Variants in JAKMIP2 observed in about 807,000 individuals in gnomAD.
The protein encoded by JAKMIP2 is janus kinase and microtubule interacting protein 2.
In JAKMIP2, 25 loss-of-function variants were observed where a neutral mutation model predicts 115.0. The observed-to-expected ratio is 0.22, with a 90% CI of 0.16 to 0.30. The LOEUF is 0.30. Among genes scored for constraint, JAKMIP2 ranks in the 10% least tolerant of loss-of-function variants. The pLI is 1.00. For missense variants in JAKMIP2, 642 were observed against 957.6 expected (o/e 0.67, Z 4.35); for synonymous variants, 334 against 343.6 (o/e 0.97, Z 0.31).
At chr5:147,654,782 T>C (rs1215078633) in intron 3 of JAKMIP2, among the ~76,000 whole-genome samples, 2 of 152,160 alleles carry the variant, frequency 1.3e-5, no homozygotes, top group African/African-American at 4.8e-5. Context: ...GGCATCCTTG[T>C]CTTGTGCTGG....
At chr5:147,740,128 G>A (rs1216173824) in intron 1 of JAKMIP2, among the ~76,000 whole-genome samples, 1 of 152,096 alleles carries the variant, frequency 6.6e-6, no homozygotes, top group African/African-American at 2.4e-5. Context: ...CTTTTTTTGA[G>A]TCACACTTCT....
chr5:147,625,574 T>C (rs1261283899), intron 16 of JAKMIP2, among the ~76,000 whole-genome samples: 1 of 152,184 alleles, frequency 6.6e-6, no homozygotes, highest in Admixed American at 6.5e-5. Flanking sequence ...TGCTGTCCAT[T>C]TGTTATCAAG....
At chr5:147,694,599 T>C (rs1213035166) in intron 1 of JAKMIP2, among the ~76,000 whole-genome samples, 2 of 152,216 alleles carry the variant, frequency 1.3e-5, no homozygotes, top group Admixed American at 6.5e-5. Context: ...ACTGGCAATG[T>C]CCATCTGCAG....
chr5:147,637,663 C>A (rs1365577289), intron 10 of JAKMIP2, among the ~76,000 whole-genome samples: 2 of 152,192 alleles, frequency 1.3e-5, no homozygotes, highest in Non-Finnish European at 2.9e-5. Flanking sequence ...TGGTCTCGAA[C>A]TCCTGACCTC....
chr5:147,696,452 T>C (rs1352262421), intron 1 of JAKMIP2, among the ~76,000 whole-genome samples: 3 of 152,222 alleles, frequency 2.0e-5, no homozygotes, highest in South Asian at 2.1e-4. Context: ...CCTTCTGCCA[T>C]AATTTTAAGA....
intron 19 of JAKMIP2, among the ~76,000 whole-genome samples, chr5:147,616,279 G>A (rs1293955490): frequency 6.6e-6 from 1 of 152,084 alleles, no homozygotes; most frequent in Non-Finnish European, 1.5e-5. Context: ...TAATTAAAAG[G>A]GAAGAAGAAG....
intron 1 of JAKMIP2, among the ~76,000 whole-genome samples, chr5:147,700,603 C>T (rs776198245): frequency 2.0e-5 from 3 of 152,136 alleles, no homozygotes; most frequent in Non-Finnish European, 4.4e-5. Context: ...TTAAGTGTCT[C>T]ATGGGAGAAA....
intron 1 of JAKMIP2, among the ~76,000 whole-genome samples, chr5:147,759,674 A>T (rs1290254673): frequency 6.6e-6 from 1 of 152,194 alleles, no homozygotes; most frequent in Non-Finnish European, 1.5e-5. Context: ...TTGAATGACA[A>T]GAAGCAGCTA....
At chr5:147,780,780 G>A (rs1241269469) in intron 1 of JAKMIP2, among the ~76,000 whole-genome samples, 1 of 152,102 alleles carries the variant, frequency 6.6e-6, no homozygotes, top group Non-Finnish European at 1.5e-5. Flanking sequence ...ATAAATGTGG[G>A]GGGTGTATGT....
Position 147,590,818 on chromosome 5 carries a change from C to A in JAKMIP2, c.*889G>T, listed in dbSNP as rs1206307361. ...TCAGGGAGCATGTGATTTACAGTAT[C>A]ATCTTCTTAGTTTTCAATATGAATG... On this transcript the variant is annotated 3_prime_UTR_variant, in exon 22 of 22. Coordinates refer to ENST00000616793, the MANE Select transcript of JAKMIP2 (RefSeq NM_001270941.2). 1 of 152,180 alleles carries A rather than the reference C, an allele frequency of 6.6e-6. No homozygotes were observed. Among genetic ancestry groups the A allele is most frequent in the Non-Finnish European group, 1.5e-5 (1 of 68,034 alleles). The allele number at this position is 152,180 out of a possible 1,614,324, so 9.4% of individuals were successfully genotyped here. A position where few individuals can be genotyped will look rare whatever the true frequency, so the allele number is the denominator to read the frequency against.
intron 1 of JAKMIP2, among the ~76,000 whole-genome samples, chr5:147,696,507 T>C (rs1284936668): frequency 2.6e-5 from 4 of 152,154 alleles, no homozygotes; most frequent in Non-Finnish European, 5.9e-5. Context: ...GTCAATTAAA[T>C]CTCTTTCCTT....
chr5:147,724,788 A>T (rs1014385666), intron 1 of JAKMIP2, among the ~76,000 whole-genome samples: 4 of 152,098 alleles, frequency 2.6e-5, no homozygotes, highest in Non-Finnish European at 5.9e-5. Flanking sequence ...AGATCAGGAG[A>T]TTGATGTTTT....
chr5:147,697,001 C>T lies in JAKMIP2; in HGVS notation c.-148-25047G>A, dbSNP rs1000730744. On this transcript the variant is annotated intron_variant, in intron 1 of 21. Coordinates refer to ENST00000616793, the MANE Select transcript of JAKMIP2 (RefSeq NM_001270941.2). ...AGAGCATAAAAGTTTGGAAAATTTG[C>T]AGGCTGATGATGCAATAGAAAAGAA... Among the ~76,000 whole-genome samples the T allele has an allele frequency of 7.9e-5, 12 of 152,140 alleles. No homozygotes were observed. The East Asian group carries it at 1.4e-3, about 17-fold the overall frequency.
At chr5:147,662,658 C>T (rs1759074538) in intron 2 of JAKMIP2, among the ~76,000 whole-genome samples, 2 of 151,912 alleles carry the variant, frequency 1.3e-5, no homozygotes, top group Non-Finnish European at 2.9e-5. Flanking sequence ...ACACACAACC[C>T]CCGCATGCAC....
intron 19 of JAKMIP2, among the ~76,000 whole-genome samples, chr5:147,614,128 C>T (rs1756459482): frequency 1.3e-5 from 2 of 152,170 alleles, no homozygotes; most frequent in African/African-American, 4.8e-5. Context: ...ATCCATTCAG[C>T]CATCACATCT....
At chr5:147,725,974 T>G (rs1484634210) in intron 1 of JAKMIP2, among the ~76,000 whole-genome samples, 2 of 152,184 alleles carry the variant, frequency 1.3e-5, no homozygotes, top group Non-Finnish European at 2.9e-5. Flanking sequence ...CCTTCACTAT[T>G]GACAAGTGGT....
intron 1 of JAKMIP2, among the ~76,000 whole-genome samples, chr5:147,782,214 A>G (rs187018018): frequency 1.8e-3 from 277 of 152,126 alleles, no homozygotes; most frequent in Middle Eastern, 3.4e-3. Flanking sequence ...CTCAGTCTGC[A>G]TTCTGAGCCA....
chr5:147,747,476 T>A (rs1394085180), intron 1 of JAKMIP2, among the ~76,000 whole-genome samples: 2 of 152,070 alleles, frequency 1.3e-5, no homozygotes, highest in African/African-American at 4.8e-5. Flanking sequence ...AAGATATAGC[T>A]AAATAGAAAG....
chr5:147,648,026 G>A lies in JAKMIP2; in HGVS notation c.936+350C>T, dbSNP rs113500663. Among the ~76,000 whole-genome samples, 1,112 of 152,282 alleles carry A rather than the reference G, an allele frequency of 7.3e-3. 13 individuals are homozygous for A. The highest frequency in any genetic ancestry group is 0.025 in the African/African-American group (1,031 of 41,568). ...ATCTCACAAACAAAGCTGAGTGAAA[G>A]AAGCAGAAGAAGTCAGACAAAAAAG... On this transcript the variant is annotated intron_variant, in intron 5 of 21. Coordinates refer to ENST00000616793, the MANE Select transcript of JAKMIP2 (RefSeq NM_001270941.2).
Sources: allele counts gnomAD v4.1 joint callset (sites outside exome capture counted in the v4.1 genomes callset), GRCh38; gene constraint gnomAD v4.1.1; transcripts MANE v1.5; gene names NCBI Gene and HGNC (gene_info 2026-07-23, HGNC 2026-07-21).